Variants in WWP1 observed in about 807,000 individuals in gnomAD.
WWP1 encodes WW domain containing E3 ubiquitin protein ligase 1, also known as NEDD4-like E3 ubiquitin-protein ligase WWP1.
In WWP1, 49 loss-of-function variants were observed where a neutral mutation model predicts 130.6. The ratio of observed to expected loss-of-function variants is 0.38; its 90% CI spans 0.30 to 0.48. WWP1 has a LOEUF of 0.48. WWP1 is among the 20% of genes least tolerant of loss of function. WWP1 has a pLI of 0.99. For missense variants in WWP1, 809 were observed against 1,100.6 expected (o/e 0.74, Z 3.75); for synonymous variants, 332 against 367.8 (o/e 0.90, Z 1.11).
rs545880430 is a variant in WWP1, at chr8:86,418,278, G to A, written c.1061+6404G>A. On this transcript the variant is annotated intron_variant, in intron 9 of 24. Transcript: ENST00000517970. ...GTTGAAGGCCCAAACTTTGTGGAGC[G>A]TATGGTCTAATATATAGGTCTCCCT... 1.4e-4 allele frequency among the ~76,000 whole-genome samples: 22 copies of A among 152,260 alleles called. No individual in the cohort carries two copies. The South Asian group carries it at 1.9e-3, about 13-fold the overall frequency.
intron 14 of WWP1, among the ~76,000 whole-genome samples, chr8:86,432,211 AC>A (rs1444346338): frequency 6.6e-6 from 1 of 152,158 alleles, no homozygotes; most frequent in Non-Finnish European, 1.5e-5. Context: ...ATTTAAAGAT[AC>A]CTTAATTAAG....
At chr8:86,380,960 T>G in intron 4 of WWP1, 96 bp downstream of exon 4, 1 of 1,350,188 alleles carries the variant, frequency 7.4e-7, no homozygotes, top group Non-Finnish European at 9.6e-7. Flanking sequence ...AAGTAATGAG[T>G]GATTTTTTTA....
At chr8:86,344,120 A>G (rs7819454) in intron 1 of WWP1, among the ~76,000 whole-genome samples, 104,213 of 152,120 alleles carry the variant, frequency 0.69, 37,304 homozygotes, top group African/African-American at 0.9. Flanking sequence ...AATTAGCTGC[A>G]ACTAGAAATG....
At chr8:86,433,214 T>G (rs942024930) in intron 14 of WWP1, among the ~76,000 whole-genome samples, 17 of 150,050 alleles carry the variant, frequency 1.1e-4, no homozygotes, top group Middle Eastern at 6.8e-3. Context: ...GAGTCCTCCT[T>G]TTTTTCCTAA....
At chr8:86,445,080 G>A (rs1810787091) in intron 18 of WWP1, among the ~76,000 whole-genome samples, 1 of 152,040 alleles carries the variant, frequency 6.6e-6, no homozygotes, top group African/African-American at 2.4e-5. Flanking sequence ...AGGAAGCAAG[G>A]GTGGGGAGGA....
At chr8:86,395,873 A>G (rs1396300871) in intron 5 of WWP1, among the ~76,000 whole-genome samples, 10 of 152,302 alleles carry the variant, frequency 6.6e-5, no homozygotes. Flanking sequence ...ACATTTACAG[A>G]TAAACAAAAA....
intron 24 of WWP1, among the ~76,000 whole-genome samples, chr8:86,464,068 A>C (rs1030240204): frequency 1.3e-5 from 2 of 151,898 alleles, no homozygotes; most frequent in African/African-American, 4.9e-5. Context: ...CTCAAAAAAA[A>C]CAAAAAAAAG....
At chr8:86,368,149 G>C (rs77530573) in intron 1 of WWP1, among the ~76,000 whole-genome samples, 1 of 152,028 alleles carries the variant, frequency 6.6e-6, no homozygotes, top group South Asian at 2.1e-4. Flanking sequence ...TCTTTACTTC[G>C]TGTCATATAC....
intron 16 of WWP1, among the ~76,000 whole-genome samples, chr8:86,437,436 G>A (rs1396741398): frequency 2.0e-5 from 3 of 152,194 alleles, no homozygotes. Context: ...TTGCCTCTAA[G>A]TACTGCTAGT....
chr8:86,435,382 G>T, intron 14 of WWP1, 70 bp from the exon 15 acceptor site: 1 of 1,510,564 alleles, frequency 6.6e-7, no homozygotes, highest in South Asian at 1.2e-5. Context: ...AGTACACTCT[G>T]ATTTTATACT....
chr8:86,455,217 C>T (rs754797613), intron 21 of WWP1, among the ~76,000 whole-genome samples: 1 of 151,972 alleles, frequency 6.6e-6, no homozygotes, highest in Non-Finnish European at 1.5e-5. Context: ...CAAAAAACCT[C>T]AGCATTATTC....
chr8:86,368,948 C>T lies in WWP1; in HGVS notation c.-105C>T, dbSNP rs1215694349. ...ATTTATTTGTTTACAGGGTTGTCTC[C>T]TCACAGACTATGAGCTCCTTGAAAG... On this transcript the variant is annotated 5_prime_UTR_variant, in exon 2 of 25. Transcript: ENST00000517970. The T allele has an allele frequency of 6.6e-6, 1 of 152,178 alleles. No homozygotes were observed. The highest frequency in any genetic ancestry group is 2.4e-5 in the African/African-American group (1 of 41,456). The allele number at this position is 152,178 out of a possible 1,614,324, so 9.4% of individuals were successfully genotyped here. A position where few individuals can be genotyped will look rare whatever the true frequency, so the allele number is the denominator to read the frequency against.
chr8:86,380,856 GCTAA>G lies in WWP1; in HGVS notation c.204_207del (p.Thr69Ter). ...CTTCTAATCCAAAATGGGATGAACA[GCTAA>G]CTGTGTAAGTACCTTGTGTAAAGGA... On this transcript the variant is annotated frameshift_variant, in exon 4 of 25. Coordinates refer to ENST00000517970, the MANE Select transcript of WWP1 (RefSeq NM_007013.4). LOFTEE classifies it high-confidence loss of function. 6.2e-7 allele frequency: 1 copy of G among 1,611,012 alleles called. No homozygotes were observed.
Position 86,398,441 on chromosome 8 carries a change from A to G in WWP1, c.434A>G (p.Glu145Gly), listed in dbSNP as rs764079468. The G allele has an allele frequency of 6.2e-7, 1 of 1,612,966 alleles. No homozygotes were observed. Among genetic ancestry groups the G allele is most frequent in the Non-Finnish European group, 8.5e-7 (1 of 1,179,264 alleles). Residue 145 changes from glutamate (E) to glycine (G), a missense_variant, in exon 6 of 25, where the codon GAG becomes GGG. Coordinates refer to ENST00000517970, the MANE Select transcript of WWP1 (RefSeq NM_007013.4). ...GTTGTGCTTGATGGATTGGTGATTG[A>G]GCAAGAAAATATAACAAACTGCAGC... ...LTVVLDGLVI[E>G]QENITNCSSS... is the part of the protein sequence containing the mutation.
rs528941378 is a variant in WWP1, at chr8:86,371,117, C to T, written c.-22+2086C>T. Among the ~76,000 whole-genome samples the T allele has an allele frequency of 6.5e-3, 973 of 149,306 alleles. 8 individuals are homozygous for T. The highest frequency in any genetic ancestry group is 0.023 in the African/African-American group (932 of 40,574). The stretch of plus-strand genomic sequence containing the variant: ...GTTCTTGAACTTGACCTCAAGTGAT[C>T]CACCTTGGGATCCACCTTTGGGAGG... On this transcript the variant is annotated intron_variant, in intron 2 of 24. Coordinates refer to ENST00000517970, the MANE Select transcript of WWP1 (RefSeq NM_007013.4).
intron 21 of WWP1, among the ~76,000 whole-genome samples, chr8:86,455,600 A>G (rs919871803): frequency 6.6e-6 from 1 of 152,142 alleles, no homozygotes; most frequent in East Asian, 1.9e-4. Context: ...TTAACCAAAA[A>G]CACACAAGAC....
chr8:86,357,011 T>C (rs1201872865), intron 1 of WWP1, among the ~76,000 whole-genome samples: 1 of 152,212 alleles, frequency 6.6e-6, no homozygotes, highest in Non-Finnish European at 1.5e-5. Flanking sequence ...TAAAATGGTT[T>C]GTATACAAGG....
chr8:86,430,634 A>G (rs553903774), intron 11 of WWP1, 63 bp from the exon 12 acceptor site: 9 of 1,375,142 alleles, frequency 6.5e-6, no homozygotes, highest in Middle Eastern at 1.9e-4. Flanking sequence ...TGCTTGGCTT[A>G]TTTCTACTTT....
At chr8:86,452,106 G>A (rs1052007029) in intron 20 of WWP1, among the ~76,000 whole-genome samples, 4 of 152,054 alleles carry the variant, frequency 2.6e-5, no homozygotes, top group Non-Finnish European at 1.5e-5. Flanking sequence ...TTGCTGGTGT[G>A]GAAGGCTTTG....
Sources: gnomAD v4.1 joint callset for allele counts (sites outside exome capture counted in the v4.1 genomes callset) on GRCh38, gnomAD v4.1.1 for gene constraint, MANE v1.5 for transcripts, NCBI Gene and HGNC (gene_info 2026-07-23, HGNC 2026-07-21) for gene names.